Variants in OPRM1 observed in about 807,000 individuals in gnomAD.
The protein encoded by OPRM1 is mu-type opioid receptor.
In OPRM1, 27 loss-of-function variants were observed where a neutral mutation model predicts 31.8. That is an observed-to-expected ratio of 0.85 (90% confidence interval 0.63 to 1.17). The LOEUF is 1.17. OPRM1 is among the 50% of genes most tolerant of loss of function. The pLI is 0.00. For missense variants in OPRM1, 536 were observed against 511.1 expected (o/e 1.05, Z -0.47); for synonymous variants, 196 against 189.9 (o/e 1.03, Z -0.26).
intron 3 of OPRM1, among the ~76,000 whole-genome samples, chr6:154,171,052 T>C (rs1562521886): frequency 1.3e-5 from 2 of 152,138 alleles, no homozygotes; most frequent in South Asian, 4.1e-4. Context: ...GTTGCCACTT[T>C]AGAAAATAGT....
chr6:154,068,825 A>G (rs1483732282), intron 1 of OPRM1, among the ~76,000 whole-genome samples: 1 of 152,148 alleles, frequency 6.6e-6, no homozygotes, highest in Non-Finnish European at 1.5e-5. Flanking sequence ...ATTTCCACCA[A>G]CATTGTGTGA....
chr6:154,147,332 T>C (rs887348936), intron 3 of OPRM1, among the ~76,000 whole-genome samples: 1 of 152,220 alleles, frequency 6.6e-6, no homozygotes, highest in Non-Finnish European at 1.5e-5. Context: ...CTGGAGAAAC[T>C]TCCAAAAGGC....
At chr6:154,147,070 G>T (rs1201124801) in intron 3 of OPRM1, among the ~76,000 whole-genome samples, 2 of 152,160 alleles carry the variant, frequency 1.3e-5, no homozygotes, top group Non-Finnish European at 2.9e-5. Context: ...TGGCTGCTGA[G>T]GGAGAGGTGG....
intron 3 of OPRM1, chr6:154,094,346 C>A: frequency 1.7e-6 from 1 of 596,066 alleles, no homozygotes; most frequent in African/African-American, 1.9e-5. Flanking sequence ...TGAGAAAATT[C>A]TGTGCCCAAA....
At chr6:154,051,415 C>A (rs1029419188) in intron 1 of OPRM1, among the ~76,000 whole-genome samples, 2 of 152,172 alleles carry the variant, frequency 1.3e-5, no homozygotes, top group African/African-American at 4.8e-5. Flanking sequence ...TATTAGCCAA[C>A]ATAAAATTTG....
rs1201087021 is a variant in OPRM1 at position 154,238,530 on chromosome 6, T to A, written c.1165-8163T>A. Among the ~76,000 whole-genome samples the A allele has an allele frequency of 2.6e-5, 4 of 152,132 alleles. No individual in the cohort carries two copies. The East Asian group carries it at 7.7e-4, about 29-fold the overall frequency. On this transcript the variant is annotated intron_variant, in intron 3 of 3. Coordinates refer to the OPRM1 transcript ENST00000337049. ...ATCTGCCTGTCTTGGCCTTCCAAAG[T>A]GCTGGGATCATAGGCATGAGCCACT...
At chr6:154,088,369 C>T (rs1791165203) in intron 1 of OPRM1, among the ~76,000 whole-genome samples, 1 of 152,164 alleles carries the variant, frequency 6.6e-6, no homozygotes, top group South Asian at 2.1e-4. Flanking sequence ...TAAAGAGCTA[C>T]ACAAAGACAC....
chr6:154,137,816 A>C (rs13195018), intron 3 of OPRM1, among the ~76,000 whole-genome samples: 36,272 of 152,110 alleles, frequency 0.24, 4,566 homozygotes, highest in African/African-American at 0.3. Context: ...TGGATAGGAC[A>C]AGAGGGATGT....
At position 154,098,411 on chromosome 6, in the gene OPRM1, T is replaced by G. The variant is rs1793782268; in HGVS notation, c.1164+6939T>G. Among the ~76,000 whole-genome samples, 4 of 152,340 alleles carry G rather than the reference T, an allele frequency of 2.6e-5. No homozygotes were observed. The South Asian group carries it at 8.3e-4, about 32-fold the overall frequency. ...TGGTGAATTGCTATTTTACAGCCAT[T>G]TTTTGTAAAAATACTCTCACTGAGA... On this transcript the variant is annotated intron_variant, in intron 3 of 3. Transcript: ENST00000330432.
intron 3 of OPRM1, among the ~76,000 whole-genome samples, chr6:154,150,071 T>C (rs2128541130): frequency 6.6e-6 from 1 of 152,348 alleles, no homozygotes; most frequent in African/African-American, 2.4e-5. Context: ...TTGTTTGAGT[T>C]TTTCCCCTAC....
intron 1 of OPRM1, among the ~76,000 whole-genome samples, chr6:154,074,882 A>C (rs1787534407): frequency 6.6e-6 from 1 of 152,198 alleles, no homozygotes; most frequent in Non-Finnish European, 1.5e-5. Context: ...GAAAAACTAA[A>C]ATGTATCTAT....
chr6:154,096,366 G>A (rs183928266), intron 3 of OPRM1, among the ~76,000 whole-genome samples: 13 of 151,932 alleles, frequency 8.6e-5, no homozygotes, highest in Admixed American at 7.2e-4. Flanking sequence ...GGCCTCTAAC[G>A]CATTTTATAT....
At chr6:154,093,683 C>T (rs1194726773) in intron 3 of OPRM1, among the ~76,000 whole-genome samples, 1 of 152,146 alleles carries the variant, frequency 6.6e-6, no homozygotes, top group Non-Finnish European at 1.5e-5. Flanking sequence ...CATTAGCCCT[C>T]GAATTGGTTG....
intron 3 of OPRM1, among the ~76,000 whole-genome samples, chr6:154,177,466 A>C (rs576071346): frequency 6.6e-6 from 1 of 152,356 alleles, no homozygotes; most frequent in South Asian, 2.1e-4. Context: ...ACCCCATCAG[A>C]AAGTGGGCAA....
chr6:154,107,644 C>T lies in OPRM1; in HGVS notation c.1165-11039C>T, dbSNP rs374978069. 9.7e-6 allele frequency: 7 copies of T among 718,370 alleles called. No homozygotes were observed. The African/African-American group carries it at 1.0e-4, about 11-fold the overall frequency. The allele number at this position is 718,370 out of a possible 1,614,324, so 44.5% of individuals were successfully genotyped here. On this transcript the variant is annotated intron_variant, in intron 3 of 3. Coordinates refer to ENST00000330432, the MANE Select transcript of OPRM1 (RefSeq NM_000914.5). ...TGACTATGACATGAACCCTAAAATT[C>T]CTGTTCCCTTGAAGGTGGAGACCAA...
chr6:154,152,347 G>GAAAAGAAAGAAAGAAAGAAAGAAAGAAA lies in OPRM1; in HGVS notation c.1164+60875_1164+60876insAAAAGAAAGAAAGAAAGAAAGAAAGAAA. 1.5e-3 allele frequency among the ~76,000 whole-genome samples: 96 copies of GAAAAGAAAGAAAGAAAGAAAGAAAGAAA among 65,202 alleles called. 3 individuals carry two copies. Among genetic ancestry groups the GAAAAGAAAGAAAGAAAGAAAGAAAGAAA allele is most frequent in the East Asian group, 5.0e-3 (11 of 2,204 alleles). The allele number at this position is 65,202 out of a possible 152,430, so 42.8% of individuals were successfully genotyped here. ...AGAAAGAAAGAAAGAAAGAAAGAAA[G>GAAAAGAAAGAAAGAAAGAAAGAAAGAAA]GAAAGAAAGAAAGAAAGAAAGAAAG... On this transcript the variant is annotated intron_variant, in intron 3 of 3. Coordinates refer to the OPRM1 transcript ENST00000337049.
chr6:154,190,651 T>A (rs1801792148), intron 3 of OPRM1, among the ~76,000 whole-genome samples: 1 of 152,196 alleles, frequency 6.6e-6, no homozygotes, highest in Non-Finnish European at 1.5e-5. Flanking sequence ...GCAATTGTAC[T>A]CATTGCTATT....
At chr6:154,024,697 G>A (rs185893505) in intron 1 of OPRM1, among the ~76,000 whole-genome samples, 1 of 147,748 alleles carries the variant, frequency 6.8e-6, no homozygotes, top group African/African-American at 2.5e-5. Flanking sequence ...TTCCCTCTTA[G>A]TACTGCTTTG....
At chr6:154,200,086 A>G (rs1312911547) in intron 3 of OPRM1, 1 of 1,513,120 alleles carries the variant, frequency 6.6e-7, no homozygotes, top group Admixed American at 2.1e-5. Flanking sequence ...AGACATCATG[A>G]TTAAACCATC....
Sources: gnomAD v4.1 joint callset for allele counts (sites outside exome capture counted in the v4.1 genomes callset) on GRCh38, gnomAD v4.1.1 for gene constraint, MANE v1.5 for transcripts, NCBI Gene and HGNC (gene_info 2026-07-23, HGNC 2026-07-21) for gene names.